The following DLG2 variants were observed in gnomAD, a reference collection of about 807,000 sequenced individuals.
The protein encoded by DLG2 is discs large MAGUK scaffold protein 2, also known as disks large homolog 2.
Under a neutral mutation model 132.5 loss-of-function variants are expected in DLG2, and 45 were observed. The observed-to-expected ratio is 0.34, with a 90% confidence interval of 0.27 to 0.44. The LOEUF (loss-of-function observed/expected upper bound fraction) is 0.44, where lower values mean the gene tolerates loss of function less well. Among genes scored for constraint, DLG2 ranks in the 20% least tolerant of loss-of-function variants. DLG2 has a pLI of 1.00. For missense variants in DLG2, 1,045 were observed against 1,196.9 expected, an observed-to-expected ratio of 0.87 and a Z score of 1.87; for synonymous variants, 424 against 419.6, an observed-to-expected ratio of 1.01 and a Z score of -0.13.
chr11:85,243,831 A>G (rs2076009844), intron 4 of DLG2, among the ~76,000 whole-genome samples: 1 of 151,996 alleles, frequency 6.6e-6, no homozygotes, highest in Non-Finnish European at 1.5e-5. Flanking sequence ...TTCTAAAATG[A>G]GACAATTGAG....
intron 6 of DLG2, among the ~76,000 whole-genome samples, chr11:84,801,709 T>C (rs1169147910): frequency 6.6e-6 from 1 of 152,160 alleles, no homozygotes; most frequent in South Asian, 2.1e-4. Context: ...AAAAGAGGTG[T>C]TGTGATCATC....
At chr11:84,233,871 T>C (rs945718147) in intron 8 of DLG2, among the ~76,000 whole-genome samples, 27 of 152,210 alleles carry the variant, frequency 1.8e-4, no homozygotes, top group African/African-American at 4.8e-4. Flanking sequence ...TCTCAGTTGT[T>C]ACTCCAGACA....
intron 10 of DLG2, among the ~76,000 whole-genome samples, chr11:84,086,464 C>T (rs2096982333): frequency 1.3e-5 from 2 of 148,526 alleles, no homozygotes; most frequent in African/African-American, 2.5e-5. Flanking sequence ...CATTTTCTTT[C>T]TTTCTGTTTT....
chr11:83,975,215 A>C (rs2092021000), intron 12 of DLG2, among the ~76,000 whole-genome samples: 1 of 152,016 alleles, frequency 6.6e-6, no homozygotes, highest in African/African-American at 2.4e-5. Flanking sequence ...TATATGAAAG[A>C]ATTTAAAAAT....
At chr11:84,099,783 CTAAA>C (rs1290506883) in intron 9 of DLG2, among the ~76,000 whole-genome samples, 3 of 131,300 alleles carry the variant, frequency 2.3e-5, no homozygotes, top group African/African-American at 8.8e-5. Context: ...ACATCGCTTT[CTAAA>C]GATATATATA....
intron 6 of DLG2, among the ~76,000 whole-genome samples, chr11:85,098,635 A>T (rs1353909241): frequency 1.3e-5 from 2 of 152,230 alleles, no homozygotes; most frequent in African/African-American, 4.8e-5. Flanking sequence ...CTCTTTCAAC[A>T]AAGTATTAGC....
intron 8 of DLG2, among the ~76,000 whole-genome samples, chr11:84,176,105 C>T (rs77839815): frequency 0.02 from 3,045 of 151,752 alleles, 96 homozygotes; most frequent in African/African-American, 0.066. Flanking sequence ...AAATTTCCTG[C>T]AAGCAATAAC....
intron 3 of DLG2, among the ~76,000 whole-genome samples, chr11:85,304,612 T>C (rs1285279540): frequency 6.6e-6 from 1 of 152,140 alleles, no homozygotes; most frequent in Non-Finnish European, 1.5e-5. Flanking sequence ...AGATTTCAGG[T>C]ATTCAGATTT....
intron 17 of DLG2, among the ~76,000 whole-genome samples, chr11:83,811,787 T>C (rs1266873041): frequency 3.3e-5 from 5 of 152,094 alleles, no homozygotes; most frequent in Admixed American, 6.6e-5. Flanking sequence ...ACATTGGAGT[T>C]GTCAGCTAAT....
intron 3 of DLG2, among the ~76,000 whole-genome samples, chr11:85,405,554 A>G (rs2088643179): frequency 6.6e-6 from 1 of 152,036 alleles, no homozygotes; most frequent in Non-Finnish European, 1.5e-5. Context: ...ACTGCTTACC[A>G]TCCACCAGAC....
chr11:83,983,720 A>G (rs2093003934), intron 11 of DLG2, among the ~76,000 whole-genome samples: 1 of 152,014 alleles, frequency 6.6e-6, no homozygotes, highest in Non-Finnish European at 1.5e-5. Flanking sequence ...TTGCCACCCC[A>G]TGGAACAATG....
chr11:84,167,081 G>A (rs925027141), intron 8 of DLG2: 2 of 505,482 alleles, frequency 4.0e-6, no homozygotes, highest in Non-Finnish European at 8.0e-6. Context: ...AGAAAAATCA[G>A]AGGATTGACA....
At chr11:83,665,622 C>T (rs866019265) in intron 18 of DLG2, among the ~76,000 whole-genome samples, 4 of 152,120 alleles carry the variant, frequency 2.6e-5, no homozygotes, top group Non-Finnish European at 5.9e-5. Context: ...TAGAGCTTAC[C>T]ATTTTCTTTT....
chr11:83,671,632 CAATT>C (rs2076840112), intron 18 of DLG2, among the ~76,000 whole-genome samples: 1 of 152,154 alleles, frequency 6.6e-6, no homozygotes, highest in African/African-American at 2.4e-5. Context: ...TTCAGAAGGA[CAATT>C]AATCAATAAA....
chr11:85,349,617 T>C (rs918567491), intron 3 of DLG2, among the ~76,000 whole-genome samples: 9 of 152,128 alleles, frequency 5.9e-5, no homozygotes, highest in Non-Finnish European at 8.8e-5. Flanking sequence ...TGTGTCCAAG[T>C]GATCTCATTG....
At chr11:84,744,214 T>C (rs1290720604) in intron 6 of DLG2, among the ~76,000 whole-genome samples, 1 of 152,204 alleles carries the variant, frequency 6.6e-6, no homozygotes, top group Non-Finnish European at 1.5e-5. Context: ...AATGAGCTAC[T>C]AAATATATTG....
At chr11:84,256,076 A>G (rs2097464090) in intron 7 of DLG2, among the ~76,000 whole-genome samples, 1 of 152,182 alleles carries the variant, frequency 6.6e-6, no homozygotes, top group Admixed American at 6.5e-5. Context: ...CATGTGACAT[A>G]CAAATGTTCT....
Position 84,521,711 on chromosome 11 carries a change from G to A in DLG2, c.519+12859C>T, listed in dbSNP as rs575382331. On this transcript the variant is annotated intron_variant, in intron 7 of 27. Coordinates refer to ENST00000376104, the MANE Select transcript of DLG2 (RefSeq NM_001142699.3). ...CATATAAATATGTTGAATGAGTAGCGGCAGCTCAGCTTTAATTGTTTATAA... is the reference window on the plus strand; with the variant it reads ...CATATAAATATGTTGAATGAGTAGCAGCAGCTCAGCTTTAATTGTTTATAA... 2.6e-5 allele frequency among the ~76,000 whole-genome samples: 4 copies of A among 152,184 alleles called. No homozygotes were observed. In the South Asian group the frequency reaches 8.3e-4, roughly 32 times the overall value.
At chr11:85,172,408 A>G (rs2078939505) in intron 4 of DLG2, among the ~76,000 whole-genome samples, 1 of 152,220 alleles carries the variant, frequency 6.6e-6, no homozygotes, top group African/African-American at 2.4e-5. Context: ...AAACAAACAG[A>G]AAGCTACAAC....
Sources: allele counts gnomAD v4.1 joint callset (sites outside exome capture counted in the v4.1 genomes callset), GRCh38; gene constraint gnomAD v4.1.1; transcripts MANE v1.5; gene names NCBI Gene and HGNC (gene_info 2026-07-23, HGNC 2026-07-21).